Variants in SCMH1 observed in about 807,000 individuals in gnomAD.
SCMH1 encodes Scm polycomb group protein homolog 1.
A neutral mutation model predicts 70.8 loss-of-function variants in SCMH1; 37 were observed. That is an observed-to-expected ratio of 0.52 (90% confidence interval 0.40 to 0.69). The LOEUF (loss-of-function observed/expected upper bound fraction) is 0.69. Ranked by LOEUF, SCMH1 falls within the 30% of genes least tolerant of loss-of-function variation. SCMH1 has a pLI of 0.00. For missense variants in SCMH1, 607 were observed against 827.3 expected, an observed-to-expected ratio of 0.73 and a Z score of 3.27; for synonymous variants, 292 against 307.4, an observed-to-expected ratio of 0.95 and a Z score of 0.52.
Position 41,222,589 on chromosome 1 carries a change from G to A in SCMH1, c.-118+19470C>T, listed in dbSNP as rs114390201. Among the ~76,000 whole-genome samples the A allele has an allele frequency of 7.7e-3, 1,172 of 152,198 alleles. 19 individuals carry two copies. The highest frequency in any genetic ancestry group is 0.027 in the African/African-American group (1,128 of 41,518). ...ATATCACAGTGCTAAGGGGAAGATG[G>A]CATTATGCCAAGGAACTCTACAGAA... On this transcript the variant is annotated intron_variant, in intron 1 of 14. Coordinates refer to ENST00000337495, the Ensembl canonical transcript of SCMH1.
At chr1:41,115,716 C>A (rs536556653) in intron 7 of SCMH1, among the ~76,000 whole-genome samples, 1 of 152,282 alleles carries the variant, frequency 6.6e-6, no homozygotes, top group South Asian at 2.1e-4. Context: ...CAAAGTCTTG[C>A]GTGATTTCCG....
chr1:41,092,062 C>T (rs1471828175), intron 8 of SCMH1, among the ~76,000 whole-genome samples: 2 of 152,184 alleles, frequency 1.3e-5, no homozygotes, highest in Non-Finnish European at 2.9e-5. Context: ...CCCGCATTGC[C>T]AAGACAATCC....
At chr1:41,094,100 T>C (rs754351853) in intron 8 of SCMH1, among the ~76,000 whole-genome samples, 1 of 152,198 alleles carries the variant, frequency 6.6e-6, no homozygotes, top group Non-Finnish European at 1.5e-5. Context: ...GCACCAGAAT[T>C]GCACTAGTCA....
At chr1:41,107,735 G>T (rs373178501) in intron 8 of SCMH1, among the ~76,000 whole-genome samples, 1 of 152,234 alleles carries the variant, frequency 6.6e-6, no homozygotes, top group East Asian at 1.9e-4. Context: ...GGCCAGGATG[G>T]TCTCGATCTC....
chr1:41,108,946 G>C (rs12565822), intron 8 of SCMH1, among the ~76,000 whole-genome samples: 12,586 of 152,246 alleles, frequency 0.083, 717 homozygotes, highest in South Asian at 0.15. Context: ...TCAGTGCTCT[G>C]ATACTACACC....
chr1:41,172,415 T>C (rs916474337), intron 2 of SCMH1, among the ~76,000 whole-genome samples: 1 of 151,884 alleles, frequency 6.6e-6, no homozygotes, highest in South Asian at 2.1e-4. Context: ...TTACAGAACA[T>C]TGATGAAAGA....
At chr1:41,147,481 T>C (rs1161607584) in intron 5 of SCMH1, among the ~76,000 whole-genome samples, 1 of 152,148 alleles carries the variant, frequency 6.6e-6, no homozygotes, top group Non-Finnish European at 1.5e-5. Context: ...TTTAATTTTG[T>C]GAAATGCAGG....
intron 10 of SCMH1, among the ~76,000 whole-genome samples, chr1:41,067,849 T>C (rs1292603333): frequency 2.6e-5 from 4 of 152,190 alleles, no homozygotes; most frequent in Non-Finnish European, 5.9e-5. Context: ...CTAAGAAATG[T>C]ACCACTCTGG....
chr1:41,131,601 C>G (rs1465782149), intron 6 of SCMH1, among the ~76,000 whole-genome samples: 1 of 152,076 alleles, frequency 6.6e-6, no homozygotes, highest in Non-Finnish European at 1.5e-5. Flanking sequence ...ATGTGCACAA[C>G]GTGCAGGTTT....
chr1:41,235,412 A>G (rs1314914949), intron 1 of SCMH1, among the ~76,000 whole-genome samples: 1 of 151,888 alleles, frequency 6.6e-6, no homozygotes, highest in Admixed American at 6.6e-5. Flanking sequence ...CTCTACTAAA[A>G]ATACAAAATT....
intron 13 of SCMH1, among the ~76,000 whole-genome samples, chr1:41,031,568 C>G (rs1644530243): frequency 6.6e-6 from 1 of 152,170 alleles, no homozygotes; most frequent in Non-Finnish European, 1.5e-5. Flanking sequence ...GCAGGGGCTG[C>G]TTAGAGTCAC....
chr1:41,116,892 G>A (rs1211278222), intron 7 of SCMH1, 30 bp downstream of exon 7: 6 of 1,561,312 alleles, frequency 3.8e-6, no homozygotes, highest in Admixed American at 1.8e-5. Context: ...TAAGCAGCCT[G>A]GAGCTGGTGA....
chr1:41,029,241 C>T (rs1286955444), intron 13 of SCMH1, among the ~76,000 whole-genome samples: 1 of 152,222 alleles, frequency 6.6e-6, no homozygotes, highest in African/African-American at 2.4e-5. Context: ...GATGGAGTCT[C>T]GCTCTGTCAC....
chr1:41,113,610 A>C lies in SCMH1; in HGVS notation c.502-84T>G. On this transcript the variant is annotated intron_variant, in intron 7 of 14. Coordinates refer to ENST00000337495, the Ensembl canonical transcript of SCMH1. The surrounding 1 kb of genome is among the most constrained non-coding windows in gnomAD (Gnocchi z 4.3). ...GACTACTATCTAATTTGGATGATTA[A>C]AAAGTGACTGCTACATGAGACTTAT... is the stretch of plus-strand genomic sequence containing the variant. The C allele has an allele frequency of 6.9e-7, 1 of 1,453,498 alleles. No individual in the cohort carries two copies. Among genetic ancestry groups the C allele is most frequent in the Non-Finnish European group, 9.2e-7 (1 of 1,082,294 alleles). The allele number at this position is 1,453,498 out of a possible 1,614,324, so 90.0% of individuals were successfully genotyped here.
At chr1:41,081,388 T>C (rs142151157) in intron 8 of SCMH1, among the ~76,000 whole-genome samples, 2 of 152,338 alleles carry the variant, frequency 1.3e-5, no homozygotes, top group East Asian at 1.9e-4. Flanking sequence ...GTATGCAAAT[T>C]GACAATTTAA....
chr1:41,055,810 G>A (rs1446735588), intron 10 of SCMH1, among the ~76,000 whole-genome samples: 1 of 152,190 alleles, frequency 6.6e-6, no homozygotes, highest in Non-Finnish European at 1.5e-5. Flanking sequence ...CACATTGAAG[G>A]AGGTATCCTT....
intron 1 of SCMH1, among the ~76,000 whole-genome samples, chr1:41,198,522 T>C (rs867528436): frequency 2.2e-4 from 34 of 152,196 alleles, no homozygotes; most frequent in Middle Eastern, 6.3e-3. Context: ...TTTTCAAGAA[T>C]TGTTTTTTAT....
At chr1:41,157,722 A>G (rs151247832) in intron 4 of SCMH1, among the ~76,000 whole-genome samples, 124 of 152,336 alleles carry the variant, frequency 8.1e-4, no homozygotes, top group African/African-American at 2.9e-3. Flanking sequence ...ATCTTTGCCC[A>G]TGTTACTCAC....
chr1:41,086,530 T>C (rs1661717993), intron 8 of SCMH1, among the ~76,000 whole-genome samples: 1 of 151,820 alleles, frequency 6.6e-6, no homozygotes, highest in South Asian at 2.1e-4. Context: ...TCAATAAAAA[T>C]ACAAAGAAAC....
Sources: allele counts gnomAD v4.1 joint callset (sites outside exome capture counted in the v4.1 genomes callset), GRCh38; gene constraint gnomAD v4.1.1; non-coding constraint Gnocchi (gnomAD v3.1); transcripts MANE v1.5; gene names NCBI Gene and HGNC (gene_info 2026-07-23, HGNC 2026-07-21).